Variants in TMEM232 observed in about 807,000 individuals in gnomAD.
TMEM232 encodes transmembrane protein 232.
Under a neutral mutation model 78.8 loss-of-function variants are expected in TMEM232, and 80 were observed. That is an observed-to-expected ratio of 1.01 (90% CI 0.85 to 1.22). The LOEUF is 1.22. Ranked by LOEUF, TMEM232 falls within the 50% of genes most tolerant of loss-of-function variation. The pLI, the probability that TMEM232 is intolerant of heterozygous loss-of-function variation, is 0.00. For missense variants in TMEM232, 881 were observed against 742.2 expected (o/e 1.19, Z -2.17); for synonymous variants, 297 against 254.3 (o/e 1.17, Z -1.60).
At position 110,692,347 on chromosome 5, in the gene TMEM232, G is replaced by C. The variant is rs1190259524; in HGVS notation, c.-12-24983C>G. Among the ~76,000 whole-genome samples, 8 of 152,360 alleles carry C rather than the reference G, an allele frequency of 5.3e-5. No homozygotes were observed. The East Asian group carries it at 1.5e-3, about 29-fold the overall frequency. On this transcript the variant is annotated intron_variant, in intron 1 of 13. Transcript: ENST00000455884. ...GAGCCAAGATGGCCGAATAGCAGCAGCTCCAGTCTACAGCTCCCAAAGTGA... is the reference window on the plus strand; with the variant it reads ...GAGCCAAGATGGCCGAATAGCAGCACCTCCAGTCTACAGCTCCCAAAGTGA...
chr5:110,522,424 A>C (rs866405048), intron 12 of TMEM232, among the ~76,000 whole-genome samples: 1 of 152,126 alleles, frequency 6.6e-6, no homozygotes, highest in African/African-American at 2.4e-5. Context: ...TTCTTGTCTA[A>C]TTATTCAAGC....
chr5:110,435,004 T>C lies in TMEM232; in HGVS notation c.1704-10088A>G, dbSNP rs116793565. 8.3e-3 allele frequency among the ~76,000 whole-genome samples: 1,256 copies of C among 151,970 alleles called. 19 individuals are homozygous for C. The highest frequency in any genetic ancestry group is 0.029 in the African/African-American group (1,191 of 41,502). On this transcript the variant is annotated intron_variant, in intron 12 of 13. Coordinates refer to ENST00000455884, the MANE Select transcript of TMEM232 (RefSeq NM_001039763.4). ...TGAATGGGCAAAATTGAAAGCATTA[T>C]CACTAAGAAGTGGAACAAGACAAGA... is the stretch of plus-strand genomic sequence containing the variant.
intron 12 of TMEM232, among the ~76,000 whole-genome samples, chr5:110,451,692 T>C (rs34027225): frequency 1.8e-3 from 280 of 152,198 alleles, no homozygotes; most frequent in Non-Finnish European, 3.3e-3. Flanking sequence ...CAATTAAACA[T>C]TTACTAATTT....
At chr5:110,696,651 C>T (rs1305869242) in intron 1 of TMEM232, among the ~76,000 whole-genome samples, 3 of 151,970 alleles carry the variant, frequency 2.0e-5, no homozygotes, top group Admixed American at 6.6e-5. Context: ...CATTCTTATA[C>T]ATCAATAACA....
At chr5:110,591,400 G>A (rs1779510465) in intron 10 of TMEM232, among the ~76,000 whole-genome samples, 1 of 152,132 alleles carries the variant, frequency 6.6e-6, no homozygotes, top group Non-Finnish European at 1.5e-5. Context: ...ATGATTTTCA[G>A]TGTCATATGT....
chr5:110,593,179 C>T (rs1580283915), intron 10 of TMEM232, among the ~76,000 whole-genome samples: 1 of 152,000 alleles, frequency 6.6e-6, no homozygotes, highest in Non-Finnish European at 1.5e-5. Flanking sequence ...TCACATAATA[C>T]CAAAAAGATT....
intron 11 of TMEM232, among the ~76,000 whole-genome samples, chr5:110,548,535 G>T (rs904091583): frequency 5.9e-5 from 9 of 151,362 alleles, no homozygotes; most frequent in Non-Finnish European, 1.3e-4. Flanking sequence ...CGAGTAAAGG[G>T]GGCGGGGTGG....
chr5:110,583,615 A>T (rs933815832), intron 10 of TMEM232, among the ~76,000 whole-genome samples: 10 of 151,960 alleles, frequency 6.6e-5, no homozygotes, highest in African/African-American at 2.4e-4. Flanking sequence ...CAGGCAACAA[A>T]AACAAAAATA....
At chr5:110,426,130 C>T (rs760737942) in intron 12 of TMEM232, among the ~76,000 whole-genome samples, 3 of 151,970 alleles carry the variant, frequency 2.0e-5, no homozygotes, top group South Asian at 2.1e-4. Flanking sequence ...TTCTCTTTCT[C>T]CTTCTTCTAG....
chr5:110,413,118 A>G (rs1211239072), intron 2 of TMEM232, among the ~76,000 whole-genome samples: 1 of 152,060 alleles, frequency 6.6e-6, no homozygotes, highest in Non-Finnish European at 1.5e-5. Context: ...TGGACTGGGA[A>G]AGCAGACCCA....
At chr5:110,474,756 G>A (rs770951400) in intron 12 of TMEM232, among the ~76,000 whole-genome samples, 1 of 151,530 alleles carries the variant, frequency 6.6e-6, no homozygotes, top group Non-Finnish European at 1.5e-5. Flanking sequence ...CTTTGTATTA[G>A]CAAGAAATAG....
chr5:110,526,209 T>G (rs1014286576), intron 12 of TMEM232, among the ~76,000 whole-genome samples: 1 of 150,834 alleles, frequency 6.6e-6, no homozygotes, highest in African/African-American at 2.4e-5. Flanking sequence ...AGAGGAAAAT[T>G]AATAAATACA....
At chr5:110,611,273 G>A (rs549557340) in intron 8 of TMEM232, among the ~76,000 whole-genome samples, 3 of 152,182 alleles carry the variant, frequency 2.0e-5, no homozygotes, top group South Asian at 4.1e-4. Flanking sequence ...GATTTTTACT[G>A]CTTAGGGAAA....
At chr5:110,678,641 T>A in intron 1 of TMEM232, among the ~76,000 whole-genome samples, 1 of 152,142 alleles carries the variant, frequency 6.6e-6, no homozygotes, top group Admixed American at 6.5e-5. Flanking sequence ...AGAGTGTTTT[T>A]GATACCTTAA....
At chr5:110,708,229 G>C (rs1289687929) in intron 1 of TMEM232, among the ~76,000 whole-genome samples, 3 of 152,132 alleles carry the variant, frequency 2.0e-5, no homozygotes, top group Non-Finnish European at 4.4e-5. Context: ...ATCCTGAATA[G>C]TATATATCTG....
intron 1 of TMEM232, among the ~76,000 whole-genome samples, chr5:110,694,659 T>A (rs1413430491): frequency 6.6e-6 from 1 of 151,910 alleles, no homozygotes; most frequent in African/African-American, 2.4e-5. Flanking sequence ...GCAATCCTAG[T>A]CGCTGATAAA....
intron 12 of TMEM232, among the ~76,000 whole-genome samples, chr5:110,521,630 T>G (rs1769526518): frequency 6.6e-6 from 1 of 152,364 alleles, no homozygotes; most frequent in East Asian, 1.9e-4. Context: ...ATCTGCTTTT[T>G]GTGCTTGGTG....
intron 12 of TMEM232, among the ~76,000 whole-genome samples, chr5:110,461,776 A>C (rs1042381532): frequency 6.6e-6 from 1 of 152,196 alleles, no homozygotes; most frequent in African/African-American, 2.4e-5. Flanking sequence ...ATTATGCTAA[A>C]TCTACTTTGC....
intron 1 of TMEM232, among the ~76,000 whole-genome samples, chr5:110,711,974 C>T (rs570426132): frequency 6.6e-6 from 1 of 151,792 alleles, no homozygotes; most frequent in Admixed American, 6.6e-5. Context: ...GGCGTGGTGG[C>T]ACCTGTAGTC....
Sources: gnomAD v4.1 joint callset for allele counts (sites outside exome capture counted in the v4.1 genomes callset) on GRCh38, gnomAD v4.1.1 for gene constraint, MANE v1.5 for transcripts, NCBI Gene and HGNC (gene_info 2026-07-23, HGNC 2026-07-21) for gene names.